The following EDA variants were observed in gnomAD, a reference collection of about 807,000 sequenced individuals.
The protein encoded by EDA is ectodysplasin-A.
A neutral mutation model predicts 23.6 loss-of-function variants in EDA; 2 were observed. That is an observed-to-expected ratio of 0.08 (90% CI 0.03 to 0.27). EDA has a LOEUF of 0.27. EDA is among the 10% of genes least tolerant of loss of function. EDA has a pLI of 1.00. For synonymous variants in EDA, 131 were observed against 132.0 expected, an observed-to-expected ratio of 0.99 and a Z score of 0.05; for missense variants, 229 against 324.2, an observed-to-expected ratio of 0.71 and a Z score of 2.26.
At chrX:69,617,042 G>C (rs192816428) in intron 1 of EDA, 150 of 396,569 alleles carry the variant, frequency 3.8e-4, no homozygotes, top group Non-Finnish European at 6.0e-4. Context: ...CCTTCTGCTC[G>C]TGATGAGGTT....
At chrX:69,673,834 C>T (rs1048805191) in intron 1 of EDA, among the ~76,000 whole-genome samples, 9 of 111,413 alleles carry the variant, frequency 8.1e-5, no homozygotes, top group African/African-American at 2.9e-4. Flanking sequence ...AGTCTATTCT[C>T]CAAGGAATTT....
At chrX:69,706,974 T>A (rs930202798) in intron 1 of EDA, among the ~76,000 whole-genome samples, 1 of 110,963 alleles carries the variant, frequency 9.0e-6, no homozygotes, top group African/African-American at 3.3e-5. Flanking sequence ...ACCTTAGAAT[T>A]TTATTTTTGG....
chrX:69,907,614 T>TAAGG (rs766660843), intron 1 of EDA, among the ~76,000 whole-genome samples: 56 of 111,636 alleles, frequency 5.0e-4, no homozygotes, highest in African/African-American at 1.6e-3. Context: ...AAAAAAATGT[T>TAAGG]AAGGACCACT....
At chrX:69,669,809 A>G (rs181698632) in intron 1 of EDA, among the ~76,000 whole-genome samples, 52 of 110,544 alleles carry the variant, frequency 4.7e-4, no homozygotes, top group African/African-American at 1.6e-3. Flanking sequence ...TAATTTTTCA[A>G]CCCTTGCCCC....
intron 1 of EDA, among the ~76,000 whole-genome samples, chrX:69,711,188 A>G (rs767061532): frequency 9.0e-6 from 1 of 111,392 alleles, no homozygotes; most frequent in Non-Finnish European, 1.9e-5. Context: ...ACTTATTGAG[A>G]GTTTTTAGCA....
intron 1 of EDA, among the ~76,000 whole-genome samples, chrX:69,716,240 T>C (rs1338646554): frequency 8.9e-6 from 1 of 112,151 alleles, no homozygotes; most frequent in Non-Finnish European, 1.9e-5. Context: ...GAGTTAACTT[T>C]TGTATATGTT....
At chrX:69,969,404 C>A (rs2019217319) in intron 2 of EDA, among the ~76,000 whole-genome samples, 1 of 112,274 alleles carries the variant, frequency 8.9e-6, no homozygotes, top group African/African-American at 3.2e-5. Context: ...CAATTTAATT[C>A]TCTCCTTGAA....
At chrX:69,832,076 C>T (rs1433459874) in intron 1 of EDA, among the ~76,000 whole-genome samples, 1 of 111,642 alleles carries the variant, frequency 9.0e-6, no homozygotes, top group Non-Finnish European at 1.9e-5. Flanking sequence ...CTTTTGTTTT[C>T]ATTACTTTTG....
chrX:69,944,935 TG>T (rs1368055193), intron 1 of EDA, among the ~76,000 whole-genome samples: 1 of 111,934 alleles, frequency 8.9e-6, no homozygotes, highest in Non-Finnish European at 1.9e-5. Flanking sequence ...TGCCCCAGGT[TG>T]CTTTCCGCTG....
At chrX:69,655,239 T>C (rs1933265792) in intron 1 of EDA, among the ~76,000 whole-genome samples, 1 of 111,051 alleles carries the variant, frequency 9.0e-6, no homozygotes, top group Non-Finnish European at 1.9e-5. Context: ...CTACTAAAAA[T>C]ACAAAATTAG....
intron 1 of EDA, chrX:69,620,531 A>AT (rs1301509085): frequency 0.013 from 1,697 of 130,930 alleles, no homozygotes; most frequent in South Asian, 0.019. Flanking sequence ...AAATCCAAGG[A>AT]TTTTTTTTTT....
At chrX:69,898,019 G>T (rs979292303) in intron 1 of EDA, among the ~76,000 whole-genome samples, 1 of 112,139 alleles carries the variant, frequency 8.9e-6, no homozygotes, top group Non-Finnish European at 1.9e-5. Context: ...ACATGAATGT[G>T]TGGGTGAAAG....
At chrX:69,635,047 G>A (rs1420084892) in intron 1 of EDA, among the ~76,000 whole-genome samples, 1 of 112,296 alleles carries the variant, frequency 8.9e-6, no homozygotes, top group African/African-American at 3.2e-5. Context: ...CTATACCTGT[G>A]TAGTAGGCTA....
intron 1 of EDA, among the ~76,000 whole-genome samples, chrX:69,726,324 G>A (rs1373356838): frequency 9.0e-6 from 1 of 111,712 alleles, no homozygotes. Flanking sequence ...AGGGACCCTG[G>A]TAATTATTCC....
At chrX:69,932,856 CTTTGTAA>C (rs750629800) in intron 1 of EDA, among the ~76,000 whole-genome samples, 2 of 110,993 alleles carry the variant, frequency 1.8e-5, no homozygotes, top group South Asian at 7.6e-4. Context: ...GCTTTATTAA[CTTTGTAA>C]TTTAATAAAT....
chrX:69,954,583 TTC>T (rs1237075933), intron 1 of EDA, among the ~76,000 whole-genome samples: 1 of 112,214 alleles, frequency 8.9e-6, no homozygotes, highest in Non-Finnish European at 1.9e-5. Flanking sequence ...ATAAACTAAT[TTC>T]TTTTTTATTG....
In EDA at chrX:69,933,223, T is replaced by C. The variant is rs761885577; in HGVS notation, c.397-23804T>C. Among the ~76,000 whole-genome samples, 7 of 112,518 alleles carry C rather than the reference T, an allele frequency of 6.2e-5. No individual in the cohort carries two copies. In the East Asian group the frequency reaches 1.9e-3, roughly 31 times the overall value. On this transcript the variant is annotated intron_variant, in intron 1 of 7. Coordinates refer to ENST00000374552, the MANE Select transcript of EDA (RefSeq NM_001399.5). ...TATTTCCAGAAGTTGAAAATCAATATACAGTGTTTGTACTATTGTTAATTA... is the reference window on the plus strand; with the variant it reads ...TATTTCCAGAAGTTGAAAATCAATACACAGTGTTTGTACTATTGTTAATTA...
At chrX:69,786,720 C>A (rs1455722763) in intron 1 of EDA, among the ~76,000 whole-genome samples, 1 of 109,064 alleles carries the variant, frequency 9.2e-6, no homozygotes, top group African/African-American at 3.3e-5. Flanking sequence ...AGTATGTGGT[C>A]AATTTTGGAA....
At position 70,036,244 on chromosome X, in the gene EDA, G is replaced by A. The variant is rs1386654319; in HGVS notation, c.*635G>A. On this transcript the variant is annotated 3_prime_UTR_variant, in exon 8 of 8. Transcript: ENST00000374552. ...GCTGACAGCCACACCGTGGCAGCTT[G>A]CTGGGCTTTGGGAAGTTTGCTGTGC... 8.9e-6 allele frequency: 1 copy of A among 112,778 alleles called. No homozygotes were observed. The highest frequency in any genetic ancestry group is 1.9e-5 in the Non-Finnish European group (1 of 53,358). 9.3% of individuals were successfully genotyped at this position (112,778 alleles called of 1,213,427 possible).
Sources: gnomAD v4.1 joint callset for allele counts (sites outside exome capture counted in the v4.1 genomes callset) on GRCh38, gnomAD v4.1.1 for gene constraint, MANE v1.5 for transcripts, NCBI Gene and HGNC (gene_info 2026-07-23, HGNC 2026-07-21) for gene names.